KIAA1671: variants seen among roughly 807,000 people sequenced by gnomAD.
The protein encoded by KIAA1671 is uncharacterized protein KIAA1671.
Under a neutral mutation model 131.2 loss-of-function variants are expected in KIAA1671, and 52 were observed. The observed-to-expected ratio is 0.40, with a 90% CI of 0.32 to 0.50. KIAA1671 has a LOEUF of 0.50. Ranked by LOEUF, KIAA1671 falls within the 20% of genes least tolerant of loss-of-function variation. The probability of loss-of-function intolerance (pLI) is 0.73; values close to 1 mark genes in which losing one functional copy is unlikely to be tolerated. For missense variants in KIAA1671, 2,360 were observed against 2,364.2 expected, an observed-to-expected ratio of 1.00 and a Z score of 0.04; for synonymous variants, 1,003 against 961.6, an observed-to-expected ratio of 1.04 and a Z score of -0.80.
chr22:25,036,501 G>A (rs1926606105), intron 4 of KIAA1671, among the ~76,000 whole-genome samples: 3 of 152,036 alleles, frequency 2.0e-5, no homozygotes, highest in South Asian at 2.1e-4. Flanking sequence ...CAAAAATTCG[G>A]TCTTTCTAAT....
intron 6 of KIAA1671, among the ~76,000 whole-genome samples, chr22:25,116,054 G>A (rs899742129): frequency 4.6e-5 from 7 of 152,170 alleles, no homozygotes; most frequent in Non-Finnish European, 7.3e-5. Flanking sequence ...GGGATTACAG[G>A]CATGAGCCAC....
chr22:25,084,451 C>CT (rs1929588871), intron 6 of KIAA1671, among the ~76,000 whole-genome samples: 1 of 95,742 alleles, frequency 1.0e-5, no homozygotes, highest in South Asian at 3.7e-4. Context: ...GAGCAAGACT[C>CT]TATCTCAAAA....
chr22:25,022,479 A>G (rs1355128307), intron 1 of KIAA1671: 1 of 152,240 alleles, frequency 6.6e-6, no homozygotes, highest in Non-Finnish European at 1.5e-5. Context: ...TAGGGTCACA[A>G]GAGTGGACAA....
chr22:25,124,108 G>A (rs747169526), intron 6 of KIAA1671, among the ~76,000 whole-genome samples: 1 of 152,170 alleles, frequency 6.6e-6, no homozygotes, highest in Non-Finnish European at 1.5e-5. Flanking sequence ...GCTCCCAGGG[G>A]CTTTTGAGCA....
chr22:25,049,489 A>G lies in KIAA1671; in HGVS notation c.4530+125A>G, dbSNP rs1315484770. On this transcript the variant is annotated intron_variant, in intron 6 of 12. Coordinates refer to ENST00000358431, the MANE Select transcript of KIAA1671 (RefSeq NM_001145206.2). Reference sequence around the variant, plus strand: ...CTGACGGGGTTGAGGGCAGCAGGCAACTGTCCAGGAATCTGGTGTCACCTG... The same window carrying G: ...CTGACGGGGTTGAGGGCAGCAGGCAGCTGTCCAGGAATCTGGTGTCACCTG... 6 of 1,088,060 alleles carry G rather than the reference A, an allele frequency of 5.5e-6. No homozygotes were observed. In the African/African-American group the frequency reaches 6.3e-5, roughly 11 times the overall value. 67.4% of individuals were successfully genotyped at this position (1,088,060 alleles called of 1,614,324 possible).
intron 6 of KIAA1671, among the ~76,000 whole-genome samples, chr22:25,165,814 G>T (rs1933624526): frequency 6.6e-6 from 1 of 152,050 alleles, no homozygotes; most frequent in African/African-American, 2.4e-5. Context: ...GCTCCACCAG[G>T]CCTGGAGGTG....
At position 25,040,740 on chromosome 22, in the gene KIAA1671, C is replaced by T. The variant is rs1261138539; in HGVS notation, c.3610C>T (p.Leu1204=). 2 of 1,551,888 alleles carry T rather than the reference C, an allele frequency of 1.3e-6. No individual in the cohort carries two copies. The highest frequency in any genetic ancestry group is 1.7e-6 in the Non-Finnish European group (2 of 1,147,060). ...YRSSVLDIDA[L]MAEYQELSLK... is the part of the protein sequence containing the mutation. ...ATCCAGCGTTCTTGACATTGACGCC[C>T]TGATGGCAGAGTACCAGGAGCTGTC... The change falls in exon 5 of 13, where the codon CTG becomes TTG. Residue 1204 remains leucine (L), a synonymous_variant. Transcript: ENST00000358431.
In KIAA1671 at chr22:24,975,655, G is replaced by A. The variant is rs1304563663; in HGVS notation, c.-208+22883G>A. Among the ~76,000 whole-genome samples, 9 of 152,176 alleles carry A rather than the reference G, an allele frequency of 5.9e-5. No individual in the cohort carries two copies. The East Asian group carries it at 7.7e-4, about 13-fold the overall frequency. On this transcript the variant is annotated intron_variant, in intron 1 of 12. Transcript: ENST00000358431. ...TGAAATATATGAAATTGCCATTTTC[G>A]TAGGTCAAGAATGGCAGATACCAGA...
intron 6 of KIAA1671, among the ~76,000 whole-genome samples, chr22:25,087,075 A>T (rs1044823135): frequency 8.5e-5 from 13 of 152,152 alleles, no homozygotes. Flanking sequence ...ATCCATGACA[A>T]CAAAAATCAC....
chr22:25,107,469 CTTTTTTTTTT>C (rs765558092), intron 6 of KIAA1671, among the ~76,000 whole-genome samples: 1 of 68,512 alleles, frequency 1.5e-5, no homozygotes, highest in Admixed American at 2.3e-4. Flanking sequence ...ATCCATGGCA[CTTTTTTTTTT>C]TTTTTTTTTT....
At chr22:25,144,310 C>T (rs1194824988) in intron 6 of KIAA1671, among the ~76,000 whole-genome samples, 1 of 152,166 alleles carries the variant, frequency 6.6e-6, no homozygotes, top group African/African-American at 2.4e-5. Flanking sequence ...TCCAAGTAGC[C>T]CACTGTGCTT....
chr22:25,188,194 G>T (rs540570997), intron 11 of KIAA1671, among the ~76,000 whole-genome samples: 1 of 152,238 alleles, frequency 6.6e-6, no homozygotes, highest in South Asian at 2.1e-4. Flanking sequence ...CCAGCTACTC[G>T]GGAGGCTGAG....
At chr22:25,126,738 G>C (rs553075102) in intron 6 of KIAA1671, among the ~76,000 whole-genome samples, 1 of 152,318 alleles carries the variant, frequency 6.6e-6, no homozygotes, top group East Asian at 1.9e-4. Flanking sequence ...CACAGGACTG[G>C]AGCTTGGGTT....
At chr22:24,995,129 C>A (rs1237255248) in intron 1 of KIAA1671, among the ~76,000 whole-genome samples, 1 of 151,420 alleles carries the variant, frequency 6.6e-6, no homozygotes, top group Non-Finnish European at 1.5e-5. Context: ...CAGCTCACTG[C>A]AAGCTCCGCC....
intron 6 of KIAA1671, chr22:25,070,449 CG>C (rs1297667805): frequency 2.3e-6 from 1 of 439,584 alleles, no homozygotes; most frequent in African/African-American, 2.0e-5. Flanking sequence ...GGCTCCAGGA[CG>C]GGGTCACGTC....
chr22:25,134,786 A>C (rs1267622722), intron 6 of KIAA1671, among the ~76,000 whole-genome samples: 1 of 152,186 alleles, frequency 6.6e-6, no homozygotes, highest in African/African-American at 2.4e-5. Context: ...TCCCAGACCC[A>C]CCACTTGCCA....
chr22:25,157,677 C>T (rs1933288759), intron 6 of KIAA1671, among the ~76,000 whole-genome samples: 1 of 151,866 alleles, frequency 6.6e-6, no homozygotes. Context: ...ATGTTCTGTG[C>T]CCCTCCCCTC....
At chr22:25,117,863 G>A (rs1326768829) in intron 6 of KIAA1671, among the ~76,000 whole-genome samples, 1 of 151,938 alleles carries the variant, frequency 6.6e-6, no homozygotes, top group Non-Finnish European at 1.5e-5. Context: ...GCAGTCGGCC[G>A]GGTGTGGTGA....
At chr22:25,063,250 T>C in intron 6 of KIAA1671, 1 of 152,128 alleles carries the variant, frequency 6.6e-6, no homozygotes. Context: ...TAGAGGAGTG[T>C]TGTCCATGTA....
Sources: allele counts gnomAD v4.1 joint callset (sites outside exome capture counted in the v4.1 genomes callset), GRCh38; gene constraint gnomAD v4.1.1; transcripts MANE v1.5; gene names NCBI Gene and HGNC (gene_info 2026-07-23, HGNC 2026-07-21).